Variants in CSMD1 observed in about 807,000 individuals in gnomAD.
The protein encoded by CSMD1 is CUB and Sushi multiple domains 1, also known as CUB and sushi domain-containing protein 1.
A neutral mutation model predicts 417.5 loss-of-function variants in CSMD1; 213 were observed. The ratio of observed to expected loss-of-function variants is 0.51; its 90% CI spans 0.46 to 0.57. The LOEUF (loss-of-function observed/expected upper bound fraction) is 0.57. Ranked by LOEUF, CSMD1 falls within the 20% of genes least tolerant of loss-of-function variation. The pLI, the probability that CSMD1 is intolerant of heterozygous loss-of-function variation, is 0.00. For synonymous variants in CSMD1, 2,862 were observed against 1,736.8 expected, an observed-to-expected ratio of 1.65 and a Z score of -16.11; for missense variants, 6,923 against 4,529.7, an observed-to-expected ratio of 1.53 and a Z score of -15.17.
At chr8:3,521,518 T>C (rs10110411) in intron 10 of CSMD1, among the ~76,000 whole-genome samples, 1 of 152,230 alleles carries the variant, frequency 6.6e-6, no homozygotes, top group East Asian at 1.9e-4. Flanking sequence ...TACAATGATC[T>C]GCCTGAGTAT....
intron 1 of CSMD1, among the ~76,000 whole-genome samples, chr8:4,919,365 G>T (rs1025674489): frequency 6.6e-6 from 1 of 152,042 alleles, no homozygotes; most frequent in East Asian, 1.9e-4. Flanking sequence ...TTAAAATTTA[G>T]CATAAACAAA....
intron 1 of CSMD1, among the ~76,000 whole-genome samples, chr8:4,943,897 C>A (rs1372359526): frequency 1.3e-5 from 2 of 152,232 alleles, no homozygotes; most frequent in Admixed American, 1.3e-4. Flanking sequence ...TAAAGGTACG[C>A]AGAATTGCGG....
chr8:3,945,352 C>A (rs1171965418), intron 5 of CSMD1, among the ~76,000 whole-genome samples: 2 of 152,002 alleles, frequency 1.3e-5, no homozygotes, highest in African/African-American at 2.4e-5. Flanking sequence ...ATGATGTCCA[C>A]AAAGCTTTCA....
intron 2 of CSMD1, among the ~76,000 whole-genome samples, chr8:4,424,500 A>G (rs368789229): frequency 1.8e-4 from 28 of 152,046 alleles, no homozygotes; most frequent in African/African-American, 5.5e-4. Context: ...ACCGCACATG[A>G]TATTTCAGCC....
At chr8:3,495,095 T>C (rs1461444664) in intron 10 of CSMD1, among the ~76,000 whole-genome samples, 1 of 152,256 alleles carries the variant, frequency 6.6e-6, no homozygotes, top group African/African-American at 2.4e-5. Context: ...AGTATTTGTA[T>C]GAATACATTA....
intron 10 of CSMD1, among the ~76,000 whole-genome samples, chr8:3,571,398 G>A (rs187713115): frequency 6.6e-6 from 1 of 152,130 alleles, no homozygotes; most frequent in Non-Finnish European, 1.5e-5. Flanking sequence ...TTAAAGGTAC[G>A]GAGAACATAT....
At chr8:3,658,287 A>G (rs748713763) in intron 7 of CSMD1, among the ~76,000 whole-genome samples, 5 of 152,060 alleles carry the variant, frequency 3.3e-5, no homozygotes, top group Admixed American at 6.6e-5. Context: ...CAATGATTGT[A>G]TTTGTGTATA....
intron 3 of CSMD1, among the ~76,000 whole-genome samples, chr8:4,173,714 T>C (rs1295685993): frequency 6.6e-6 from 1 of 152,070 alleles, no homozygotes; most frequent in African/African-American, 2.4e-5. Flanking sequence ...AATTCAGCAA[T>C]CAATGAGAAA....
intron 2 of CSMD1, among the ~76,000 whole-genome samples, chr8:4,631,782 G>A (rs1486556980): frequency 2.0e-5 from 3 of 152,024 alleles, no homozygotes; most frequent in South Asian, 2.1e-4. Flanking sequence ...TTCATTATCA[G>A]CATTGCAGAA....
intron 2 of CSMD1, among the ~76,000 whole-genome samples, chr8:4,509,552 G>T (rs887997096): frequency 2.6e-5 from 4 of 152,164 alleles, no homozygotes; most frequent in Admixed American, 2.0e-4. Flanking sequence ...GAAATGGAAA[G>T]GATGCTGGTC....
intron 1 of CSMD1, among the ~76,000 whole-genome samples, chr8:4,973,830 A>G (rs1470793323): frequency 6.6e-6 from 1 of 152,218 alleles, no homozygotes; most frequent in Admixed American, 6.5e-5. Flanking sequence ...GTATAGGTAT[A>G]GGAAAACCCA....
chr8:4,542,782 A>G (rs182557922), intron 2 of CSMD1, among the ~76,000 whole-genome samples: 167 of 152,342 alleles, frequency 1.1e-3, no homozygotes, highest in African/African-American at 3.4e-3. Context: ...GTAGCCATAC[A>G]TATTTTAAAA....
intron 1 of CSMD1, among the ~76,000 whole-genome samples, chr8:4,676,758 T>C (rs1805708358): frequency 6.6e-6 from 1 of 152,014 alleles, no homozygotes. Context: ...AGTTTGTTCT[T>C]AGCCCACCAA....
chr8:3,260,936 C>A (rs1470448085), intron 26 of CSMD1, among the ~76,000 whole-genome samples: 1 of 152,022 alleles, frequency 6.6e-6, no homozygotes, highest in Non-Finnish European at 1.5e-5. Flanking sequence ...ATAAAGAATG[C>A]TCAAGACTGA....
chr8:4,173,143 G>A (rs1375511805), intron 3 of CSMD1, among the ~76,000 whole-genome samples: 1 of 152,160 alleles, frequency 6.6e-6, no homozygotes, highest in African/African-American at 2.4e-5. Flanking sequence ...CAAGTATAGG[G>A]TTGCTAGATT....
chr8:3,812,223 A>G (rs1279416364), intron 5 of CSMD1, among the ~76,000 whole-genome samples: 1 of 152,216 alleles, frequency 6.6e-6, no homozygotes, highest in Non-Finnish European at 1.5e-5. Context: ...TTTGTACTCA[A>G]AAGATACAGG....
chr8:4,994,502 G>A lies in CSMD1; in HGVS notation c.-86C>T, dbSNP rs1475038693. 7 of 1,252,586 alleles carry A rather than the reference G, an allele frequency of 5.6e-6. No individual in the cohort carries two copies. The highest frequency in any genetic ancestry group is 7.9e-6 in the Non-Finnish European group (7 of 884,130). The allele number at this position is 1,252,586 out of a possible 1,614,324, so 77.6% of individuals were successfully genotyped here. On this transcript the variant is annotated 5_prime_UTR_variant, in exon 1 of 70. Coordinates refer to ENST00000635120, the MANE Select transcript of CSMD1 (RefSeq NM_033225.6). ...GAGCGGAGCCAAATAATCACCCGAG[G>A]GCAAGGCGAGCCGGAGAGAGAGCCC... is the stretch of plus-strand genomic sequence containing the variant.
At chr8:4,191,641 A>C (rs1406271477) in intron 3 of CSMD1, among the ~76,000 whole-genome samples, 1 of 152,076 alleles carries the variant, frequency 6.6e-6, no homozygotes, top group Non-Finnish European at 1.5e-5. Context: ...ACATTGAAAG[A>C]AAATGAAAAG....
intron 2 of CSMD1, among the ~76,000 whole-genome samples, chr8:4,635,492 C>T (rs898049259): frequency 4.6e-5 from 7 of 151,686 alleles, no homozygotes; most frequent in African/African-American, 7.3e-5. Context: ...TATGAAAGAA[C>T]TAGAGTAAAT....
Sources: allele counts gnomAD v4.1 joint callset (sites outside exome capture counted in the v4.1 genomes callset), GRCh38; gene constraint gnomAD v4.1.1; transcripts MANE v1.5; gene names NCBI Gene and HGNC (gene_info 2026-07-23, HGNC 2026-07-21).